Variants in ZNF654 observed in about 807,000 individuals in gnomAD.
ZNF654 encodes melanoma-associated antigen.
ZNF654 carries 19 observed loss-of-function variants against 95.3 expected under a neutral mutation model. The observed-to-expected ratio is 0.20, with a 90% CI of 0.14 to 0.29. ZNF654 has a LOEUF of 0.29. Among genes scored for constraint, ZNF654 ranks in the 10% least tolerant of loss-of-function variants. The probability of loss-of-function intolerance (pLI) is 1.00; values close to 1 mark genes in which losing one functional copy is unlikely to be tolerated. For missense variants in ZNF654, 1,046 were observed against 1,341.0 expected (o/e 0.78, Z 3.44); for synonymous variants, 413 against 457.9 (o/e 0.90, Z 1.25).
intron 1 of ZNF654, among the ~76,000 whole-genome samples, chr3:88,072,210 T>C (rs1479489680): frequency 6.6e-6 from 1 of 152,222 alleles, no homozygotes; most frequent in Non-Finnish European, 1.5e-5. Flanking sequence ...CTAACTATTA[T>C]TTCTGTCTAT....
At chr3:88,106,541 C>T (rs906665046) in intron 2 of ZNF654, among the ~76,000 whole-genome samples, 3 of 152,064 alleles carry the variant, frequency 2.0e-5, no homozygotes, top group Non-Finnish European at 4.4e-5. Flanking sequence ...GTTTCGTTCG[C>T]CATGTTGGCC....
At chr3:88,111,100 G>T (rs970144133) in intron 2 of ZNF654, among the ~76,000 whole-genome samples, 5 of 151,990 alleles carry the variant, frequency 3.3e-5, no homozygotes, top group African/African-American at 1.2e-4. Context: ...CATGGATTTT[G>T]AGTAAGTATG....
intron 1 of ZNF654, among the ~76,000 whole-genome samples, chr3:88,071,651 A>AACAG (rs1223336160): frequency 1.0e-3 from 153 of 151,158 alleles, no homozygotes; most frequent in African/African-American, 3.5e-3. Context: ...CAAACAAACA[A>AACAG]AAATTAGCCG....
intron 3 of ZNF654, among the ~76,000 whole-genome samples, chr3:88,120,710 G>A (rs550910926): frequency 5.6e-4 from 85 of 152,084 alleles, no homozygotes; most frequent in African/African-American, 1.5e-3. Context: ...TATTACTTAC[G>A]CACATGTACT....
chr3:88,103,131 A>C (rs1417194501), intron 2 of ZNF654, among the ~76,000 whole-genome samples: 2 of 152,114 alleles, frequency 1.3e-5, no homozygotes, highest in African/African-American at 2.4e-5. Flanking sequence ...TTATATAATG[A>C]AGCCCAGCTT....
chr3:88,141,617 G>C, intron 8 of ZNF654, 28 bp from the exon 9 acceptor site: 1 of 1,450,186 alleles, frequency 6.9e-7, no homozygotes. Flanking sequence ...AATAAAACTT[G>C]CATTAACAGA....
At chr3:88,141,190 T>A in intron 8 of ZNF654, 142 bp downstream of exon 8, 1 of 934,270 alleles carries the variant, frequency 1.1e-6, no homozygotes, top group Non-Finnish European at 1.5e-6. Context: ...TTATTTCCTT[T>A]AATACATACA....
At chr3:88,085,185 C>T (rs1326253313) in intron 1 of ZNF654, among the ~76,000 whole-genome samples, 1 of 152,094 alleles carries the variant, frequency 6.6e-6, no homozygotes, top group Non-Finnish European at 1.5e-5. Context: ...CTTTTCTATT[C>T]TAGTTTTCTT....
intron 2 of ZNF654, among the ~76,000 whole-genome samples, chr3:88,103,313 G>A (rs985320313): frequency 6.6e-6 from 1 of 152,100 alleles, no homozygotes; most frequent in Non-Finnish European, 1.5e-5. Flanking sequence ...AGATTCAAAT[G>A]GAAATTCTGG....
At chr3:88,101,822 T>C (rs1327139688) in intron 2 of ZNF654, among the ~76,000 whole-genome samples, 7 of 152,182 alleles carry the variant, frequency 4.6e-5, no homozygotes, top group Non-Finnish European at 8.8e-5. Context: ...TCTTCACTAA[T>C]ACTTTTTATC....
Position 88,141,632 on chromosome 3 carries a change from TTC to T in ZNF654, c.3380-11_3380-10del, listed in dbSNP as rs1261898040. ...AATAAAACTTGCATTAACAGATGTGTTCTGTTTTACAGGTGCCTGATGAAAAC... is the reference window on the plus strand; with the variant it reads ...AATAAAACTTGCATTAACAGATGTGTTGTTTTACAGGTGCCTGATGAAAAC... On this transcript the variant is annotated splice_polypyrimidine_tract_variant and intron_variant, in intron 8 of 8. Coordinates refer to ENST00000636215, the MANE Select transcript of ZNF654 (RefSeq NM_001350134.2). 16 of 1,494,788 alleles carry T rather than the reference TTC, an allele frequency of 1.1e-5. No homozygotes were observed. In the African/African-American group the frequency reaches 1.6e-4, roughly 15 times the overall value. The allele number at this position is 1,494,788 out of a possible 1,614,324, so 92.6% of individuals were successfully genotyped here.
chr3:88,136,370 T>G (rs1334099136), intron 7 of ZNF654, among the ~76,000 whole-genome samples: 1 of 152,190 alleles, frequency 6.6e-6, no homozygotes, highest in Non-Finnish European at 1.5e-5. Flanking sequence ...ATTAAAAATA[T>G]GATGCTTAAT....
Position 88,143,557 on chromosome 3 carries a change from T to G in ZNF654, c.*1905T>G, listed in dbSNP as rs992043570. The G allele has an allele frequency of 6.6e-6, 1 of 152,314 alleles. No homozygotes were observed. The highest frequency in any genetic ancestry group is 2.4e-5 in the African/African-American group (1 of 41,424). 9.4% of individuals were successfully genotyped at this position (152,314 alleles called of 1,614,324 possible). A position where few individuals can be genotyped will look rare whatever the true frequency, so the allele number is the denominator to read the frequency against. On this transcript the variant is annotated 3_prime_UTR_variant, in exon 9 of 9. Coordinates refer to ENST00000636215, the MANE Select transcript of ZNF654 (RefSeq NM_001350134.2). ...TTTGAAATATTTCTGCTTTGTACAT[T>G]TTCCAGAAGTTTAATATTTTATCAC...
At chr3:88,121,466 G>A (rs1325257317) in intron 3 of ZNF654, among the ~76,000 whole-genome samples, 2 of 152,168 alleles carry the variant, frequency 1.3e-5, no homozygotes, top group African/African-American at 4.8e-5. Context: ...TTGAAAAACA[G>A]TAACTTCTTT....
In ZNF654 at chr3:88,141,687, G is replaced by C; in HGVS notation, c.*35G>C. The C allele has an allele frequency of 6.8e-7, 1 of 1,472,578 alleles. No individual in the cohort carries two copies. 91.2% of individuals were successfully genotyped at this position (1,472,578 alleles called of 1,614,324 possible). On this transcript the variant is annotated 3_prime_UTR_variant, in exon 9 of 9. Transcript: ENST00000636215. Reference sequence around the variant, plus strand: ...TTCAGAAAGATCTGTCAATCAAGCAGTAGTGTGAAAAAAGCACTATAAGAA... The same window carrying C: ...TTCAGAAAGATCTGTCAATCAAGCACTAGTGTGAAAAAAGCACTATAAGAA...
chr3:88,062,327 C>CA (rs1429711024), intron 1 of ZNF654, among the ~76,000 whole-genome samples: 6 of 152,166 alleles, frequency 3.9e-5, no homozygotes, highest in African/African-American at 1.4e-4. Flanking sequence ...GATTTGAACT[C>CA]AGTCTTCAGT....
chr3:88,096,759 AGT>A (rs1368637352), intron 2 of ZNF654, among the ~76,000 whole-genome samples: 1 of 152,098 alleles, frequency 6.6e-6, no homozygotes, highest in Non-Finnish European at 1.5e-5. Context: ...AAATTCGAAA[AGT>A]GTGGCGTATA....
chr3:88,067,967 A>G (rs1225415345), intron 1 of ZNF654, among the ~76,000 whole-genome samples: 2 of 152,236 alleles, frequency 1.3e-5, no homozygotes, highest in Admixed American at 1.3e-4. Flanking sequence ...GGAAGATACA[A>G]ATCTACAAAA....
Position 88,139,219 on chromosome 3 carries a change from G to T in ZNF654, c.1550G>T (p.Gly517Val). The T allele has an allele frequency of 6.8e-7, 1 of 1,474,500 alleles. No homozygotes were observed. Among genetic ancestry groups the T allele is most frequent in the Non-Finnish European group, 9.0e-7 (1 of 1,115,644 alleles). 91.3% of individuals were successfully genotyped at this position (1,474,500 alleles called of 1,614,324 possible). A position where few individuals can be genotyped will look rare whatever the true frequency, so the allele number is the denominator to read the frequency against. The change falls in exon 8 of 9, where the codon GGA becomes GTA. Residue 517 changes from glycine (G) to valine (V), a missense_variant. Gly to Val is a moderately radical substitution (Grantham distance 109). Coordinates refer to ENST00000636215, the MANE Select transcript of ZNF654 (RefSeq NM_001350134.2). ...GAGACTGATCCTGATGATGTATCTGGAGTGCAGCCTAAAGGTCATATTAAT... is the reference window on the plus strand; with the variant it reads ...GAGACTGATCCTGATGATGTATCTGTAGTGCAGCCTAAAGGTCATATTAAT... ...TGETDPDDVS[G>V]VQPKGHINTK...
Sources: gnomAD v4.1 joint callset for allele counts (sites outside exome capture counted in the v4.1 genomes callset) on GRCh38, gnomAD v4.1.1 for gene constraint, MANE v1.5 for transcripts, NCBI Gene and HGNC (gene_info 2026-07-23, HGNC 2026-07-21) for gene names.